BICC1: variants seen among roughly 807,000 people sequenced by gnomAD.
BICC1 encodes the protein protein bicaudal C homolog 1.
In BICC1, 43 loss-of-function variants were observed where a neutral mutation model predicts 111.0. That is an observed-to-expected ratio of 0.39 (90% confidence interval 0.30 to 0.50). BICC1 has a LOEUF of 0.50. BICC1 is among the 20% of genes least tolerant of loss of function. The pLI, the probability that BICC1 is intolerant of heterozygous loss-of-function variation, is 0.88. For missense variants in BICC1, 1,091 were observed against 1,203.2 expected, an observed-to-expected ratio of 0.91 and a Z score of 1.38; for synonymous variants, 467 against 434.4, an observed-to-expected ratio of 1.07 and a Z score of -0.93.
chr10:58,595,017 G>A (rs1844765323), intron 1 of BICC1, among the ~76,000 whole-genome samples: 1 of 152,154 alleles, frequency 6.6e-6, no homozygotes, highest in Admixed American at 6.6e-5. Context: ...ATAAAGGGAT[G>A]GGGGAATATT....
At chr10:58,702,836 T>C (rs1840278858) in intron 3 of BICC1, among the ~76,000 whole-genome samples, 1 of 152,250 alleles carries the variant, frequency 6.6e-6, no homozygotes, top group Non-Finnish European at 1.5e-5. Context: ...TGCAGATGCA[T>C]GTAGTTGTCA....
chr10:58,653,758 G>A (rs1240679745), intron 2 of BICC1, among the ~76,000 whole-genome samples: 1 of 150,186 alleles, frequency 6.7e-6, no homozygotes, highest in Non-Finnish European at 1.5e-5. Context: ...GTATACATGT[G>A]CCATGCTGGT....
At chr10:58,824,010 T>G in intron 20 of BICC1, 1 of 985,244 alleles carries the variant, frequency 1.0e-6, no homozygotes, top group Non-Finnish European at 1.2e-6. Context: ...GATACCTTCC[T>G]TGCTTCTTCA....
At chr10:58,792,258 A>G (rs1032847451) in intron 8 of BICC1, among the ~76,000 whole-genome samples, 7 of 139,820 alleles carry the variant, frequency 5.0e-5, no homozygotes, top group Non-Finnish European at 4.6e-5. Context: ...AGCATTAGAG[A>G]AAAAAAAAAA....
chr10:58,805,336 G>A (rs1211654378), intron 15 of BICC1, among the ~76,000 whole-genome samples: 2 of 152,004 alleles, frequency 1.3e-5, no homozygotes, highest in Non-Finnish European at 2.9e-5. Context: ...AAGTCATCGA[G>A]GCTGTAGCTT....
intron 17 of BICC1, among the ~76,000 whole-genome samples, chr10:58,810,196 G>A (rs1843856570): frequency 2.0e-5 from 3 of 152,200 alleles, no homozygotes; most frequent in Admixed American, 2.0e-4. Context: ...CCAAGGACAG[G>A]TAGATCACAG....
At chr10:58,760,087 T>C (rs1052775147) in intron 3 of BICC1, among the ~76,000 whole-genome samples, 1 of 152,140 alleles carries the variant, frequency 6.6e-6, no homozygotes, top group Admixed American at 6.5e-5. Context: ...TAAGCAAATG[T>C]GTTCTTAGCT....
intron 2 of BICC1, among the ~76,000 whole-genome samples, chr10:58,688,935 G>A (rs539316083): frequency 5.3e-5 from 8 of 152,214 alleles, no homozygotes; most frequent in African/African-American, 1.4e-4. Flanking sequence ...TGTAGATGTC[G>A]GGTTGATGGG....
chr10:58,593,901 A>G (rs1844721027), intron 1 of BICC1, among the ~76,000 whole-genome samples: 1 of 152,066 alleles, frequency 6.6e-6, no homozygotes, highest in Admixed American at 6.6e-5. Context: ...CGTAGGCTTC[A>G]GAAGGTGGGT....
At position 58,714,468 on chromosome 10, in the gene BICC1, T is replaced by C. The variant is rs141786579; in HGVS notation, c.307+12325T>C. ...GTTTAATTGTGCAATTTAAACTGTT[T>C]GTTTATTCTCCATGAGTGTTTCACG... On this transcript the variant is annotated intron_variant, in intron 3 of 20. Transcript: ENST00000373886. Among the ~76,000 whole-genome samples, 61 of 152,342 alleles carry C rather than the reference T, an allele frequency of 4.0e-4. No homozygotes were observed. The East Asian group carries it at 0.011, about 27-fold the overall frequency.
At chr10:58,762,140 A>G (rs533061931) in intron 3 of BICC1, among the ~76,000 whole-genome samples, 8 of 152,220 alleles carry the variant, frequency 5.3e-5, no homozygotes, top group African/African-American at 1.7e-4. Flanking sequence ...CCAGGCTGGT[A>G]TGGGCCTTAA....
At chr10:58,783,784 A>G (rs1028444625) in intron 3 of BICC1, among the ~76,000 whole-genome samples, 1 of 152,206 alleles carries the variant, frequency 6.6e-6, no homozygotes, top group South Asian at 2.1e-4. Flanking sequence ...TGATAATCAT[A>G]ATGAATTATC....
At chr10:58,784,256 C>G (rs976062343) in intron 3 of BICC1, among the ~76,000 whole-genome samples, 1 of 152,180 alleles carries the variant, frequency 6.6e-6, no homozygotes, top group Non-Finnish European at 1.5e-5. Context: ...TCTCTTCTCT[C>G]TAGTCCCTGG....
At chr10:58,769,446 A>G (rs1457749624) in intron 3 of BICC1, among the ~76,000 whole-genome samples, 2 of 140,318 alleles carry the variant, frequency 1.4e-5, no homozygotes, top group Admixed American at 1.4e-4. Flanking sequence ...TATATCTTTA[A>G]TAGATATACT....
At chr10:58,722,490 C>G (rs191596825) in intron 3 of BICC1, among the ~76,000 whole-genome samples, 1 of 152,138 alleles carries the variant, frequency 6.6e-6, no homozygotes, top group Admixed American at 6.5e-5. Context: ...GTATTCTCAT[C>G]AATCACATGA....
chr10:58,755,286 A>C (rs1157034543), intron 3 of BICC1, among the ~76,000 whole-genome samples: 3 of 152,070 alleles, frequency 2.0e-5, no homozygotes, highest in African/African-American at 7.2e-5. Flanking sequence ...CCTGCTTTCT[A>C]TTTCCTGCGC....
At chr10:58,596,619 C>T (rs970879968) in intron 1 of BICC1, among the ~76,000 whole-genome samples, 1 of 152,174 alleles carries the variant, frequency 6.6e-6, no homozygotes, top group Non-Finnish European at 1.5e-5. Context: ...GTCAAATTGT[C>T]TCTGTTTGCA....
chr10:58,780,569 G>A (rs1044486942), intron 3 of BICC1, among the ~76,000 whole-genome samples: 27 of 152,132 alleles, frequency 1.8e-4, no homozygotes, highest in East Asian at 1.4e-3. Context: ...AATGCAAATG[G>A]CTGACATGAG....
intron 2 of BICC1, among the ~76,000 whole-genome samples, chr10:58,641,945 A>G (rs995965065): frequency 1.3e-5 from 2 of 152,234 alleles, no homozygotes; most frequent in African/African-American, 2.4e-5. Context: ...TGACGTCTAA[A>G]TGGCCACATG....
Sources: allele counts gnomAD v4.1 joint callset (sites outside exome capture counted in the v4.1 genomes callset), GRCh38; gene constraint gnomAD v4.1.1; transcripts MANE v1.5; gene names NCBI Gene and HGNC (gene_info 2026-07-23, HGNC 2026-07-21).